The following TBC1D8 variants were observed in gnomAD, a reference collection of about 807,000 sequenced individuals.
The protein encoded by TBC1D8 is BUB2-like protein 1.
In TBC1D8, 65 loss-of-function variants were observed where a neutral mutation model predicts 118.8. The ratio of observed to expected loss-of-function variants is 0.55; its 90% CI spans 0.45 to 0.67. The LOEUF is 0.67. Among genes scored for constraint, TBC1D8 ranks in the 30% least tolerant of loss-of-function variants. The pLI is 0.00. For missense variants in TBC1D8, 1,376 were observed against 1,471.2 expected (o/e 0.94, Z 1.06); for synonymous variants, 566 against 595.8 (o/e 0.95, Z 0.73).
At chr2:101,098,442 C>A (rs951994854) in intron 1 of TBC1D8, among the ~76,000 whole-genome samples, 6 of 151,904 alleles carry the variant, frequency 3.9e-5, no homozygotes, top group African/African-American at 1.5e-4. Flanking sequence ...ACCCCACTGT[C>A]AGTATTAGAT....
chr2:101,038,686 G>A, intron 6 of TBC1D8, 31 bp from the exon 7 acceptor site: 1 of 1,610,274 alleles, frequency 6.2e-7, no homozygotes, highest in Non-Finnish European at 8.5e-7. Context: ...AGGGACAGAA[G>A]GGCGGGAGGA....
intron 5 of TBC1D8, among the ~76,000 whole-genome samples, chr2:101,048,678 T>TC (rs1371335908): frequency 6.6e-6 from 1 of 150,624 alleles, no homozygotes; most frequent in African/African-American, 2.4e-5. Context: ...GGACACTCTC[T>TC]CCCCCACACA....
At chr2:101,143,219 C>T (rs990999962) in intron 1 of TBC1D8, among the ~76,000 whole-genome samples, 1 of 151,904 alleles carries the variant, frequency 6.6e-6, no homozygotes, top group Non-Finnish European at 1.5e-5. Context: ...CCCGCCACCA[C>T]ACCCAGCTTA....
intron 1 of TBC1D8, among the ~76,000 whole-genome samples, chr2:101,091,177 C>T (rs1431782050): frequency 7.2e-5 from 11 of 152,106 alleles, no homozygotes; most frequent in African/African-American, 1.9e-4. Flanking sequence ...CCCAGCTACT[C>T]GGGAGGCCGA....
Position 101,010,946 on chromosome 2 carries a change from A to G in TBC1D8, c.2998T>C (p.Leu1000=), listed in dbSNP as rs1370452711. ...GTCCATACCTGGCTCATTTTGGGCA[A>G]TTCTTTCTCAGTTTTATCTTTTTCT... ...AKEKDKTEKE[L]PKMSQREFIQ... is the part of the protein sequence containing the mutation. Residue 1000 remains leucine (L), a synonymous_variant, in exon 19 of 20, where the codon TTG becomes CTG. Coordinates refer to ENST00000409318, the MANE Select transcript of TBC1D8 (RefSeq NM_001330348.2). 2 of 1,612,330 alleles carry G rather than the reference A, an allele frequency of 1.2e-6. No homozygotes were observed. Among genetic ancestry groups the G allele is most frequent in the Non-Finnish European group, 8.5e-7 (1 of 1,179,838 alleles).
At chr2:101,081,411 A>G (rs755816096) in intron 2 of TBC1D8, among the ~76,000 whole-genome samples, 10 of 152,218 alleles carry the variant, frequency 6.6e-5, no homozygotes, top group Non-Finnish European at 1.5e-4. Context: ...TACTGGCTAC[A>G]TAAAAACCTT....
At position 101,033,819 on chromosome 2, in the gene TBC1D8, A is replaced by G. The variant is rs1573906188; in HGVS notation, c.1604-61T>C. On this transcript the variant is annotated intron_variant, in intron 9 of 19. Transcript: ENST00000409318. ...TTACTAGGATGGTGTCATGATGAAG[A>G]AGATGCTGGTCCCATCAGGGGACCC... is the stretch of plus-strand genomic sequence containing the variant. 88 of 1,553,876 alleles carry G rather than the reference A, an allele frequency of 5.7e-5. No individual in the cohort carries two copies. In the East Asian group the frequency reaches 2.0e-3, roughly 35 times the overall value.
At chr2:101,129,904 C>CAAA (rs762607316) in intron 1 of TBC1D8, among the ~76,000 whole-genome samples, 6 of 124,154 alleles carry the variant, frequency 4.8e-5, no homozygotes, top group South Asian at 2.6e-4. Flanking sequence ...GACTCTGTCT[C>CAAA]AAAAAAAAAA....
chr2:101,078,589 T>C (rs1675005056), intron 2 of TBC1D8, among the ~76,000 whole-genome samples: 2 of 151,972 alleles, frequency 1.3e-5, no homozygotes, highest in Admixed American at 6.6e-5. Context: ...GGGGAAGGGC[T>C]TAGAGAGGAA....
At chr2:101,056,003 T>A (rs1193362097) in intron 3 of TBC1D8, among the ~76,000 whole-genome samples, 1 of 151,318 alleles carries the variant, frequency 6.6e-6, no homozygotes. Flanking sequence ...CACACATATA[T>A]ATAAATACTT....
chr2:101,122,244 G>GT (rs1034171503), intron 1 of TBC1D8, among the ~76,000 whole-genome samples: 2 of 150,518 alleles, frequency 1.3e-5, no homozygotes, highest in African/African-American at 4.9e-5. Flanking sequence ...GCTAATTTTT[G>GT]TATTTTTTAG....
At chr2:101,046,959 T>C (rs1305963313) in intron 5 of TBC1D8, among the ~76,000 whole-genome samples, 2 of 152,152 alleles carry the variant, frequency 1.3e-5, no homozygotes, top group African/African-American at 4.8e-5. Context: ...ACTCTCCAAC[T>C]ACCCTCCCCA....
intron 2 of TBC1D8, among the ~76,000 whole-genome samples, chr2:101,062,418 G>C (rs1682804501): frequency 6.6e-6 from 1 of 152,180 alleles, no homozygotes; most frequent in Non-Finnish European, 1.5e-5. Flanking sequence ...AGAACTAAGA[G>C]TTGCAGGAAC....
chr2:101,039,435 C>A (rs1286749320), intron 6 of TBC1D8, among the ~76,000 whole-genome samples: 1 of 152,144 alleles, frequency 6.6e-6, no homozygotes, highest in Non-Finnish European at 1.5e-5. Context: ...CTGGGCAACA[C>A]AGTGAAACCC....
chr2:101,049,566 A>G (rs988691854), intron 5 of TBC1D8, among the ~76,000 whole-genome samples: 5 of 151,812 alleles, frequency 3.3e-5, no homozygotes, highest in Non-Finnish European at 7.4e-5. Context: ...CGTCTCTACT[A>G]AAAATACAAA....
intron 19 of TBC1D8, 75 bp from the exon 20 acceptor site, chr2:101,008,348 G>A: frequency 3.4e-6 from 4 of 1,184,048 alleles, no homozygotes; most frequent in Non-Finnish European, 3.4e-6. Context: ...ACATACCTGT[G>A]AGCTTTGAGA....
intron 1 of TBC1D8, among the ~76,000 whole-genome samples, chr2:101,130,212 G>A (rs960576061): frequency 1.3e-5 from 2 of 152,180 alleles, no homozygotes; most frequent in African/African-American, 4.8e-5. Context: ...AGTCACCTCC[G>A]GAAGGCTCCT....
rs777616306 is a variant in TBC1D8, at chr2:101,007,949, C to G, written c.3340G>C (p.Val1114Leu). ...TCCAGTGGCTTTTCAAAAAAGTTGA[C>G]TAATGACTGTTCAGTCAGAAGTGAA... Reference protein sequence around the residue: ...LASLLTEQSLVNFFEKPLDMK... With the variant: ...LASLLTEQSLLNFFEKPLDMK... The change falls in exon 20 of 20, where the codon GTC (valine) becomes CTC (leucine). Residue 1114 changes from valine (V) to leucine (L), a missense_variant. By Grantham distance (32) the Val-to-Leu change is conservative. Transcript: ENST00000409318. The G allele has an allele frequency of 1.7e-5, 28 of 1,613,914 alleles. No homozygotes were observed. The highest frequency in any genetic ancestry group is 2.3e-5 in the Non-Finnish European group (27 of 1,179,910).
chr2:101,071,362 C>CAAAT (rs1296263200), intron 2 of TBC1D8, among the ~76,000 whole-genome samples: 6 of 145,062 alleles, frequency 4.1e-5, no homozygotes, highest in East Asian at 2.0e-4. Context: ...AACAAACAAA[C>CAAAT]AAACAAATAA....
Sources: gnomAD v4.1 joint callset for allele counts (sites outside exome capture counted in the v4.1 genomes callset) on GRCh38, gnomAD v4.1.1 for gene constraint, MANE v1.5 for transcripts, NCBI Gene and HGNC (gene_info 2026-07-23, HGNC 2026-07-21) for gene names.